Variants in WARS2 observed in about 807,000 individuals in gnomAD.
WARS2 encodes tryptophanyl tRNA synthetase 2, mitochondrial.
WARS2 carries 28 observed loss-of-function variants against 36.5 expected under a neutral mutation model. The observed-to-expected ratio is 0.77, with a 90% CI of 0.57 to 1.05. The LOEUF is 1.05. WARS2 is among the 50% of genes least tolerant of loss of function. The pLI, the probability that WARS2 is intolerant of heterozygous loss-of-function variation, is 0.00. For synonymous variants in WARS2, 174 were observed against 178.4 expected (o/e 0.98, Z 0.20); for missense variants, 435 against 456.8 (o/e 0.95, Z 0.44).
chr1:119,085,469 T>C, intron 1 of WARS2: 1 of 1,526,210 alleles, frequency 6.6e-7, no homozygotes, highest in Non-Finnish European at 8.8e-7. Flanking sequence ...TTTTTCCTTT[T>C]TGTCTTTTTT....
At chr1:119,116,244 G>C (rs1654962295) in intron 1 of WARS2, among the ~76,000 whole-genome samples, 1 of 152,170 alleles carries the variant, frequency 6.6e-6, no homozygotes, top group African/African-American at 2.4e-5. Flanking sequence ...GTAAGTGGAG[G>C]AGGCAACAAT....
chr1:119,140,213 G>A (rs1183442347), intron 1 of WARS2: 1 of 217,992 alleles, frequency 4.6e-6, no homozygotes, highest in Non-Finnish European at 9.1e-6. Flanking sequence ...ACCACAAGAA[G>A]AGCAGTCTCT....
intron 1 of WARS2, among the ~76,000 whole-genome samples, chr1:119,097,464 A>C (rs6428791): frequency 0.99 from 150,837 of 152,302 alleles, 74,695 homozygotes; most frequent in East Asian, 1. Flanking sequence ...TTGCTAACTT[A>C]CAAGACTTTG....
At chr1:119,051,394 C>A (rs1364562823) in intron 2 of WARS2, among the ~76,000 whole-genome samples, 1 of 152,138 alleles carries the variant, frequency 6.6e-6, no homozygotes, top group Non-Finnish European at 1.5e-5. Flanking sequence ...GCACAGTAAT[C>A]CATGGTAAAA....
chr1:119,034,174 G>A lies in WARS2; in HGVS notation c.555C>T (p.His185=). The change falls in exon 5 of 6, where the codon CAC becomes CAT. Residue 185 remains histidine, a synonymous_variant. Coordinates refer to ENST00000235521, the MANE Select transcript of WARS2 (RefSeq NM_015836.4). The stretch of plus-strand genomic sequence containing the variant: ...GTGCTAGATCCTGAACTAGTTCCAT[G>A]TGCTGGACTTGATCCTCCCCAACAG... ...HVPVGEDQVQ[H]MELVQDLAQG... 1 of 1,614,046 alleles carries A rather than the reference G, an allele frequency of 6.2e-7. No homozygotes were observed. The highest frequency in any genetic ancestry group is 1.1e-5 in the South Asian group (1 of 91,074).
At position 119,031,228 on chromosome 1, in the gene WARS2, A is replaced by G. The variant is rs1372360543; in HGVS notation, c.*1683T>C. The G allele has an allele frequency of 1.3e-5, 2 of 152,214 alleles. No homozygotes were observed. The highest frequency in any genetic ancestry group is 2.9e-5 in the Non-Finnish European group (2 of 68,052). The allele number at this position is 152,214 out of a possible 1,614,324, so 9.4% of individuals were successfully genotyped here. On this transcript the variant is annotated 3_prime_UTR_variant, in exon 6 of 6. Coordinates refer to ENST00000235521, the MANE Select transcript of WARS2 (RefSeq NM_015836.4). ...GATAAACAGACAATTGGCTTGATAG[A>G]TCTACCTTTAGTTTTGTCATTTTCC...
At chr1:119,043,587 A>G (rs1383084018) in intron 3 of WARS2, among the ~76,000 whole-genome samples, 1 of 152,234 alleles carries the variant, frequency 6.6e-6, no homozygotes, top group Non-Finnish European at 1.5e-5. Flanking sequence ...ATGTTTGAAC[A>G]TACAATTTCT....
chr1:119,038,844 C>A (rs761269794), intron 4 of WARS2, among the ~76,000 whole-genome samples: 7 of 152,120 alleles, frequency 4.6e-5, no homozygotes, highest in Non-Finnish European at 1.0e-4. Context: ...CCACGCCCGG[C>A]TAATTTTTTG....
At chr1:119,119,328 C>T (rs938042479) in intron 1 of WARS2, among the ~76,000 whole-genome samples, 4 of 151,968 alleles carry the variant, frequency 2.6e-5, no homozygotes, top group African/African-American at 7.2e-5. Context: ...CAAACAGAGA[C>T]ATTATATAAT....
At chr1:119,076,895 T>G (rs1458993372) in intron 1 of WARS2, among the ~76,000 whole-genome samples, 1 of 151,904 alleles carries the variant, frequency 6.6e-6, no homozygotes, top group African/African-American at 2.4e-5. Context: ...ATCCCGACAC[T>G]TTGGGAGGCT....
At chr1:119,127,736 C>G (rs972991010) in intron 1 of WARS2, among the ~76,000 whole-genome samples, 3 of 152,164 alleles carry the variant, frequency 2.0e-5, no homozygotes, top group Admixed American at 6.5e-5. Flanking sequence ...CTCTCACTCT[C>G]CTAGTGTTCA....
At chr1:119,092,959 T>C (rs1653146799) in intron 1 of WARS2, among the ~76,000 whole-genome samples, 1 of 152,218 alleles carries the variant, frequency 6.6e-6, no homozygotes, top group South Asian at 2.1e-4. Context: ...ATAGCTTTTT[T>C]CTGAGTTTTT....
intron 2 of WARS2, among the ~76,000 whole-genome samples, chr1:119,050,463 CA>C (rs1649247806): frequency 6.6e-6 from 1 of 152,024 alleles, no homozygotes; most frequent in Non-Finnish European, 1.5e-5. Context: ...AGCATGGTAG[CA>C]AAGATTTTTC....
intron 2 of WARS2, among the ~76,000 whole-genome samples, chr1:119,057,141 T>C (rs79271131): frequency 1.3e-5 from 2 of 152,204 alleles, no homozygotes; most frequent in African/African-American, 2.4e-5. Context: ...TTATTAGCCA[T>C]TTGTTATTAT....
At chr1:119,079,188 C>T (rs1651999986) in intron 1 of WARS2, among the ~76,000 whole-genome samples, 1 of 152,076 alleles carries the variant, frequency 6.6e-6, no homozygotes, top group South Asian at 2.1e-4. Context: ...AATCAAGGAT[C>T]CCTCTATGAA....
intron 4 of WARS2, among the ~76,000 whole-genome samples, chr1:119,039,124 G>C (rs1395239878): frequency 6.6e-6 from 1 of 152,160 alleles, no homozygotes; most frequent in Non-Finnish European, 1.5e-5. Flanking sequence ...CTGTAAAATG[G>C]GGATAATGCC....
intron 1 of WARS2, among the ~76,000 whole-genome samples, chr1:119,110,890 A>C (rs1654582879): frequency 6.6e-6 from 1 of 151,984 alleles, no homozygotes; most frequent in Non-Finnish European, 1.5e-5. Flanking sequence ...TCTCAAGCTC[A>C]GAGGTCCTTT....
intron 1 of WARS2, among the ~76,000 whole-genome samples, chr1:119,081,666 A>C (rs1182787182): frequency 6.6e-6 from 1 of 152,198 alleles, no homozygotes; most frequent in East Asian, 1.9e-4. Context: ...ATAAATTTTA[A>C]AATATTGTTT....
intron 2 of WARS2, among the ~76,000 whole-genome samples, chr1:119,049,909 C>T (rs1437857271): frequency 6.6e-6 from 1 of 152,216 alleles, no homozygotes; most frequent in East Asian, 1.9e-4. Context: ...ACTGGTCTCC[C>T]TGCTTCCACT....
Sources: gnomAD v4.1 joint callset for allele counts (sites outside exome capture counted in the v4.1 genomes callset) on GRCh38, gnomAD v4.1.1 for gene constraint, MANE v1.5 for transcripts, NCBI Gene and HGNC (gene_info 2026-07-23, HGNC 2026-07-21) for gene names.